Variants in TRPC4 observed in about 807,000 individuals in gnomAD.
TRPC4 encodes the protein short transient receptor potential channel 4.
Under a neutral mutation model 99.4 loss-of-function variants are expected in TRPC4, and 49 were observed. That is an observed-to-expected ratio of 0.49 (90% confidence interval 0.39 to 0.63). The LOEUF (loss-of-function observed/expected upper bound fraction) is 0.63. Ranked by LOEUF, TRPC4 falls within the 20% of genes least tolerant of loss-of-function variation. The pLI is 0.00. For missense variants in TRPC4, 898 were observed against 1,152.9 expected (o/e 0.78, Z 3.20); for synonymous variants, 454 against 425.9 (o/e 1.07, Z -0.81).
chr13:37,639,250 C>T lies in TRPC4; in HGVS notation c.2121+8G>A. The T allele has an allele frequency of 6.2e-7, 1 of 1,613,612 alleles. No homozygotes were observed. The highest frequency in any genetic ancestry group is 8.5e-7 in the Non-Finnish European group (1 of 1,179,652). On this transcript the variant is annotated splice_region_variant and intron_variant, in intron 9 of 10. Transcript: ENST00000379705. ...AAAATTTCAAGACATAGTACAAGGA[C>T]AACTTACTTGGTATTGGTGATGTCT...
chr13:37,765,209 A>T (rs1012050585), intron 2 of TRPC4, among the ~76,000 whole-genome samples: 2 of 151,438 alleles, frequency 1.3e-5, no homozygotes, highest in Non-Finnish European at 3.0e-5. Context: ...CAAATCTATC[A>T]GTGTCTTTTC....
chr13:37,733,790 A>T (rs772665426), intron 3 of TRPC4, among the ~76,000 whole-genome samples: 1 of 152,178 alleles, frequency 6.6e-6, no homozygotes, highest in Non-Finnish European at 1.5e-5. Context: ...TAATAATCAA[A>T]TCAGATAAGG....
At chr13:37,640,554 A>G (rs2138538912) in intron 8 of TRPC4, among the ~76,000 whole-genome samples, 1 of 152,292 alleles carries the variant, frequency 6.6e-6, no homozygotes, top group African/African-American at 2.4e-5. Flanking sequence ...ATTTTGAGAA[A>G]AACATTTAAA....
intron 1 of TRPC4, among the ~76,000 whole-genome samples, chr13:37,865,512 T>A (rs2139737502): frequency 6.6e-6 from 1 of 151,812 alleles, no homozygotes; most frequent in African/African-American, 2.4e-5. Flanking sequence ...CATTTTGAGA[T>A]CATCCTGCTC....
chr13:37,760,258 T>A (rs1956188171), intron 2 of TRPC4, among the ~76,000 whole-genome samples: 1 of 151,978 alleles, frequency 6.6e-6, no homozygotes, highest in Non-Finnish European at 1.5e-5. Flanking sequence ...TTCAGTATGC[T>A]TCCCATGGTC....
At chr13:37,854,729 T>C (rs755116555) in intron 1 of TRPC4, 1 of 152,068 alleles carries the variant, frequency 6.6e-6, no homozygotes, top group African/African-American at 2.4e-5. Flanking sequence ...CATGGTAACT[T>C]CGAATTGAAA....
chr13:37,778,261 TTAC>T (rs1051998494), intron 2 of TRPC4, among the ~76,000 whole-genome samples: 4 of 140,588 alleles, frequency 2.8e-5, no homozygotes, highest in African/African-American at 1.1e-4. Flanking sequence ...GGACATATTA[TTAC>T]GTCACTTAAG....
chr13:37,862,059 C>T (rs550775617), intron 1 of TRPC4, among the ~76,000 whole-genome samples: 4 of 151,506 alleles, frequency 2.6e-5, no homozygotes, highest in South Asian at 2.1e-4. Flanking sequence ...TTTCGATAGA[C>T]GTAGCTGTAG....
intron 1 of TRPC4, among the ~76,000 whole-genome samples, chr13:37,858,464 T>C (rs1959192592): frequency 6.8e-6 from 1 of 147,840 alleles, no homozygotes; most frequent in African/African-American, 2.5e-5. Context: ...ATCGAAGGGA[T>C]ATCTACACTC....
chr13:37,823,426 T>C (rs1262664472), intron 1 of TRPC4, among the ~76,000 whole-genome samples: 1 of 140,072 alleles, frequency 7.1e-6, no homozygotes, highest in Non-Finnish European at 1.6e-5. Context: ...AAGTCTTTAA[T>C]CCATCTTGAA....
Position 37,772,495 on chromosome 13 carries a change from G to GTA in TRPC4, c.378+10459_378+10460dup, listed in dbSNP as rs144193581. ...TACATATTCATGTGTGTCTGCATGT[G>GTA]TATATATATATAAATATATTTGTGT... On this transcript the variant is annotated intron_variant, in intron 2 of 10. Coordinates refer to ENST00000379705, the MANE Select transcript of TRPC4 (RefSeq NM_016179.4). 2.1e-3 allele frequency among the ~76,000 whole-genome samples: 316 copies of GTA among 151,504 alleles called. 1 individual carries two copies. The highest frequency in any genetic ancestry group is 6.9e-3 in the African/African-American group (285 of 41,394).
chr13:37,856,467 C>T (rs910104095), intron 1 of TRPC4, among the ~76,000 whole-genome samples: 2 of 149,322 alleles, frequency 1.3e-5, no homozygotes, highest in Non-Finnish European at 3.0e-5. Context: ...AGAACTGATA[C>T]CCATACTACT....
At chr13:37,662,035 GAA>G in intron 6 of TRPC4, among the ~76,000 whole-genome samples, 1 of 152,124 alleles carries the variant, frequency 6.6e-6, no homozygotes, top group African/African-American at 2.4e-5. Flanking sequence ...GAAGGCCGGC[GAA>G]GTGGCTCATG....
chr13:37,776,008 G>T (rs1330445351), intron 2 of TRPC4, among the ~76,000 whole-genome samples: 3 of 151,790 alleles, frequency 2.0e-5, no homozygotes, highest in Admixed American at 6.6e-5. Context: ...TAATATATGA[G>T]TCAGAATAGC....
chr13:37,822,283 TTA>T (rs1460735485), intron 1 of TRPC4, among the ~76,000 whole-genome samples: 2 of 151,886 alleles, frequency 1.3e-5, no homozygotes, highest in Admixed American at 1.3e-4. Context: ...GGTTTTTTTT[TTA>T]TTATTATACT....
intron 1 of TRPC4, among the ~76,000 whole-genome samples, chr13:37,849,081 A>G (rs1435612977): frequency 6.6e-6 from 1 of 152,144 alleles, no homozygotes; most frequent in Admixed American, 6.5e-5. Context: ...CTAGATTCCC[A>G]CAGTCAGATG....
rs188440219 is a variant in TRPC4 at position 37,647,855 on chromosome 13, T to A, written c.2079+3410A>T. 3.3e-5 allele frequency among the ~76,000 whole-genome samples: 5 copies of A among 152,304 alleles called. No individual in the cohort carries two copies. The East Asian group carries it at 7.7e-4, about 23-fold the overall frequency. On this transcript the variant is annotated intron_variant, in intron 8 of 10. Coordinates refer to ENST00000379705, the MANE Select transcript of TRPC4 (RefSeq NM_016179.4). Reference sequence around the variant, plus strand: ...AAGTTGAAATAAATTCACAGAAAAATTAATTACTTTTGATATTACTTTCTC... The same window carrying A: ...AAGTTGAAATAAATTCACAGAAAAAATAATTACTTTTGATATTACTTTCTC...
chr13:37,698,548 C>T (rs2138918310), intron 3 of TRPC4, among the ~76,000 whole-genome samples: 1 of 152,172 alleles, frequency 6.6e-6, no homozygotes, highest in African/African-American at 2.4e-5. Flanking sequence ...CATTTAAAGT[C>T]AACCTTCTTA....
intron 3 of TRPC4, among the ~76,000 whole-genome samples, chr13:37,711,597 G>A (rs577582389): frequency 6.6e-6 from 1 of 152,002 alleles, no homozygotes; most frequent in Non-Finnish European, 1.5e-5. Context: ...CAAGATATAA[G>A]TCTCTGTAAG....
Sources: allele counts gnomAD v4.1 joint callset (sites outside exome capture counted in the v4.1 genomes callset), GRCh38; gene constraint gnomAD v4.1.1; transcripts MANE v1.5; gene names NCBI Gene and HGNC (gene_info 2026-07-23, HGNC 2026-07-21).